RIC3: variants seen among roughly 807,000 people sequenced by gnomAD.
RIC3 encodes RIC3 acetylcholine receptor chaperone.
A neutral mutation model predicts 27.3 loss-of-function variants in RIC3; 28 were observed. The observed-to-expected ratio is 1.02, with a 90% CI of 0.76 to 1.41. The LOEUF (loss-of-function observed/expected upper bound fraction) is 1.41, where lower values mean the gene tolerates loss of function less well. Ranked by LOEUF, RIC3 falls within the 40% of genes most tolerant of loss-of-function variation. The pLI is 0.00. For missense variants in RIC3, 501 were observed against 444.7 expected, an observed-to-expected ratio of 1.13 and a Z score of -1.14; for synonymous variants, 184 against 160.4, an observed-to-expected ratio of 1.15 and a Z score of -1.11.
At chr11:8,168,495 A>C (rs538138204) in intron 1 of RIC3, among the ~76,000 whole-genome samples, 1 of 152,320 alleles carries the variant, frequency 6.6e-6, no homozygotes, top group African/African-American at 2.4e-5. Context: ...GGAAAACCTA[A>C]AGAGGGAAAC....
intron 1 of RIC3, among the ~76,000 whole-genome samples, chr11:8,145,416 G>C (rs573538073): frequency 6.6e-6 from 1 of 152,168 alleles, no homozygotes; most frequent in African/African-American, 2.4e-5. Context: ...TGCACACAGG[G>C]GAAGATGGTC....
chr11:8,119,383 T>C (rs1946210402), intron 5 of RIC3, among the ~76,000 whole-genome samples: 1 of 152,080 alleles, frequency 6.6e-6, no homozygotes, highest in Non-Finnish European at 1.5e-5. Flanking sequence ...GCCTCAGAAA[T>C]AACACCACAC....
At chr11:8,094,207 A>G in the RIC3 span, 2 of 1,596,048 alleles carry the variant, frequency 1.3e-6, no homozygotes, top group South Asian at 2.3e-5. Context: ...CACATTCTCT[A>G]CAGCCCTCCC....
At chr11:8,163,908 AAAG>A (rs1191855957) in intron 1 of RIC3, among the ~76,000 whole-genome samples, 1 of 152,132 alleles carries the variant, frequency 6.6e-6, no homozygotes, top group East Asian at 1.9e-4. Context: ...CAATCTTGAA[AAAG>A]AAGAACAAAG....
At chr11:8,168,824 C>T in intron 1 of RIC3, 42 bp downstream of exon 1, 2 of 1,593,546 alleles carry the variant, frequency 1.3e-6, no homozygotes, top group African/African-American at 1.4e-5. Context: ...TCTCCGTACT[C>T]TTCGGCGCCG....
intron 4 of RIC3, among the ~76,000 whole-genome samples, chr11:8,130,655 C>T (rs1035028780): frequency 6.6e-6 from 1 of 152,064 alleles, no homozygotes; most frequent in Non-Finnish European, 1.5e-5. Context: ...TTTCAATAGC[C>T]TTCTAGTATG....
At chr11:8,152,161 G>C (rs1250531556) in intron 1 of RIC3, among the ~76,000 whole-genome samples, 1 of 152,184 alleles carries the variant, frequency 6.6e-6, no homozygotes. Flanking sequence ...ATGTAAAATG[G>C]TGCAGCTGCT....
intron 5 of RIC3, among the ~76,000 whole-genome samples, chr11:8,115,599 G>A (rs192323646): frequency 6.6e-6 from 1 of 152,312 alleles, no homozygotes; most frequent in Non-Finnish European, 1.5e-5. Flanking sequence ...CCTGAGGTCA[G>A]GAGTTCGAGA....
intron 1 of RIC3, among the ~76,000 whole-genome samples, chr11:8,159,514 T>C (rs1027328513): frequency 4.6e-5 from 7 of 151,944 alleles, no homozygotes; most frequent in African/African-American, 7.3e-5. Context: ...ATATTGAGAA[T>C]AGACTGAAGT....
At chr11:8,146,511 T>C (rs1298755776) in intron 1 of RIC3, among the ~76,000 whole-genome samples, 2 of 152,128 alleles carry the variant, frequency 1.3e-5, no homozygotes, top group East Asian at 1.9e-4. Context: ...GAACTGCCTT[T>C]AAGTTGTCGA....
intron 1 of RIC3, among the ~76,000 whole-genome samples, chr11:8,158,008 T>C (rs1447055032): frequency 6.6e-6 from 1 of 152,154 alleles, no homozygotes; most frequent in Non-Finnish European, 1.5e-5. Flanking sequence ...TCAGAGTAGA[T>C]CTCTGATGCT....
chr11:8,121,535 G>A (rs1392056895), intron 5 of RIC3, among the ~76,000 whole-genome samples: 2 of 151,924 alleles, frequency 1.3e-5, no homozygotes, highest in African/African-American at 4.8e-5. Context: ...GGTCAACATG[G>A]CAAAACCGTG....
intron 2 of RIC3, chr11:8,138,692 C>T: frequency 4.0e-6 from 1 of 252,688 alleles, no homozygotes; most frequent in Non-Finnish European, 7.4e-6. Context: ...AAGAAATCAA[C>T]TGTTCTTAGC....
intron 5 of RIC3, among the ~76,000 whole-genome samples, chr11:8,113,031 T>C (rs541377125): frequency 6.6e-6 from 1 of 152,358 alleles, no homozygotes; most frequent in African/African-American, 2.4e-5. Flanking sequence ...TATGACACCC[T>C]CACCAGCACT....
chr11:8,167,759 T>C (rs988504321), intron 1 of RIC3, among the ~76,000 whole-genome samples: 1 of 152,068 alleles, frequency 6.6e-6, no homozygotes, highest in Non-Finnish European at 1.5e-5. Flanking sequence ...TTGGGATTAT[T>C]GCAATAAGAC....
chr11:8,153,499 A>G (rs997385827), intron 1 of RIC3: 1 of 424,870 alleles, frequency 2.4e-6, no homozygotes, highest in Admixed American at 2.8e-5. Context: ...ATCCTTGTCA[A>G]ATTTTCCTGC....
At chr11:8,120,891 T>C (rs1946370699) in intron 5 of RIC3, among the ~76,000 whole-genome samples, 1 of 151,970 alleles carries the variant, frequency 6.6e-6, no homozygotes, top group South Asian at 2.1e-4. Flanking sequence ...AATGGCATAA[T>C]CAACGATTTT....
intron 1 of RIC3, among the ~76,000 whole-genome samples, chr11:8,141,311 C>A (rs1373458352): frequency 6.6e-6 from 1 of 151,714 alleles, no homozygotes; most frequent in Non-Finnish European, 1.5e-5. Context: ...CACACATAGG[C>A]TCAAAATAAA....
At chr11:8,154,469 A>T (rs921741259) in intron 1 of RIC3, among the ~76,000 whole-genome samples, 17 of 152,350 alleles carry the variant, frequency 1.1e-4, no homozygotes, top group Middle Eastern at 6.8e-3. Context: ...CCACAATTTT[A>T]AAAAGTCCTT....
Sources: gnomAD v4.1 joint callset for allele counts (sites outside exome capture counted in the v4.1 genomes callset) on GRCh38, gnomAD v4.1.1 for gene constraint, MANE v1.5 for transcripts, NCBI Gene and HGNC (gene_info 2026-07-23, HGNC 2026-07-21) for gene names.